Variants in TFDP1 observed in about 807,000 individuals in gnomAD.
TFDP1 encodes DRTF1-polypeptide 1.
In TFDP1, 6 loss-of-function variants were observed where a neutral mutation model predicts 48.0. The ratio of observed to expected loss-of-function variants is 0.13; its 90% confidence interval spans 0.07 to 0.25. The LOEUF (loss-of-function observed/expected upper bound fraction) is 0.25, where lower values mean the gene tolerates loss of function less well. Ranked by LOEUF, TFDP1 falls within the 10% of genes least tolerant of loss-of-function variation. The pLI is 1.00. For missense variants in TFDP1, 335 were observed against 543.0 expected, an observed-to-expected ratio of 0.62 and a Z score of 3.81; for synonymous variants, 201 against 211.6, an observed-to-expected ratio of 0.95 and a Z score of 0.44.
At chr13:113,595,827 A>C (rs981998156) in intron 2 of TFDP1, among the ~76,000 whole-genome samples, 1 of 152,368 alleles carries the variant, frequency 6.6e-6, no homozygotes, top group East Asian at 1.9e-4. Flanking sequence ...TCACGCCTGT[A>C]ATCCCAGCAC....
chr13:113,604,916 T>C (rs968457530), intron 2 of TFDP1, among the ~76,000 whole-genome samples: 4 of 152,106 alleles, frequency 2.6e-5, no homozygotes, highest in Non-Finnish European at 5.9e-5. Context: ...GTGGAGCCCA[T>C]GTGAGGAGGT....
rs1435696212 is a variant in TFDP1 at position 113,627,725 on chromosome 13, A to G, written c.187-3898A>G. ...CCAGCATTAGGTTCTCAGGAGCGCA[A>G]ACCCCACTGTGAACGGCACATGCAG... On this transcript the variant is annotated intron_variant, in intron 4 of 11. Transcript: ENST00000375370. This position sits in a 1 kb window ranked among gnomAD's most constrained non-coding sequence, Gnocchi z 4.1. Among the ~76,000 whole-genome samples the G allele has an allele frequency of 1.3e-5, 2 of 152,068 alleles. No individual in the cohort carries two copies. Among genetic ancestry groups the G allele is most frequent in the East Asian group, 1.9e-4 (1 of 5,186 alleles).
At chr13:113,638,255 G>A (rs903897951) in intron 11 of TFDP1, among the ~76,000 whole-genome samples, 6 of 152,032 alleles carry the variant, frequency 3.9e-5, no homozygotes, top group Admixed American at 3.3e-4. Context: ...CGGTCACAGC[G>A]CACGTATTTT....
intron 2 of TFDP1, among the ~76,000 whole-genome samples, chr13:113,603,897 A>C (rs890422530): frequency 6.6e-6 from 1 of 152,170 alleles, no homozygotes; most frequent in Admixed American, 6.5e-5. Flanking sequence ...AATTTCAGCA[A>C]TATGTTAAAA....
At chr13:113,628,285 G>GCCGTGTAAAGACTGTGTCTGGAA (rs1466644592) in intron 4 of TFDP1, among the ~76,000 whole-genome samples, 3 of 152,236 alleles carry the variant, frequency 2.0e-5, no homozygotes, top group Non-Finnish European at 4.4e-5. Context: ...TGTGTCTGGA[G>GCCGTGTAAAGACTGTGTCTGGAA]CCGTGTAAAG....
chr13:113,636,435 G>T, intron 9 of TFDP1, 99 bp from the exon 10 acceptor site: 2 of 1,342,258 alleles, frequency 1.5e-6, no homozygotes, highest in Admixed American at 3.8e-5. Context: ...CCGGGAAGCT[G>T]TGTGTGGCGG....
intron 3 of TFDP1, among the ~76,000 whole-genome samples, chr13:113,615,414 A>G (rs118180181): frequency 6.6e-6 from 1 of 152,080 alleles, no homozygotes; most frequent in South Asian, 2.1e-4. Context: ...TCTGAGGGTG[A>G]CCTGGCCCCA....
At chr13:113,629,805 C>T (rs1245570670) in intron 4 of TFDP1, among the ~76,000 whole-genome samples, 1 of 152,214 alleles carries the variant, frequency 6.6e-6, no homozygotes, top group African/African-American at 2.4e-5. Flanking sequence ...AGTAGGTTTG[C>T]TCCTGCCTGG....
At chr13:113,608,244 A>G (rs2048618159) in intron 2 of TFDP1, among the ~76,000 whole-genome samples, 1 of 152,210 alleles carries the variant, frequency 6.6e-6, no homozygotes, top group Admixed American at 6.5e-5. Flanking sequence ...CACCCGGGGC[A>G]GTGCGTTCCC....
At chr13:113,585,462 G>A (rs555638799) in intron 1 of TFDP1, 45 of 178,212 alleles carry the variant, frequency 2.5e-4, no homozygotes, top group African/African-American at 1.0e-3. Flanking sequence ...AGCGGCGGGA[G>A]GGAGGCGCTG....
At chr13:113,588,690 GTAGT>G (rs1224076993) in intron 2 of TFDP1, among the ~76,000 whole-genome samples, 10 of 151,614 alleles carry the variant, frequency 6.6e-5, no homozygotes, top group Admixed American at 4.6e-4. Flanking sequence ...TGATGGTGTA[GTAGT>G]TAGAGAGTGA....
At chr13:113,604,421 C>T (rs1276607006) in intron 2 of TFDP1, among the ~76,000 whole-genome samples, 1 of 152,184 alleles carries the variant, frequency 6.6e-6, no homozygotes, top group African/African-American at 2.4e-5. Context: ...TCAGTAGAGA[C>T]CCAGACTCAC....
At chr13:113,635,839 G>A (rs754384349) in intron 8 of TFDP1, 138 bp from the exon 9 acceptor site, 23 of 962,610 alleles carry the variant, frequency 2.4e-5, no homozygotes, top group Non-Finnish European at 3.1e-5. Flanking sequence ...GCACCCAGCG[G>A]CCGGCGCTGG....
intron 10 of TFDP1, 146 bp downstream of exon 10, chr13:113,636,846 AG>A: frequency 1.0e-6 from 1 of 991,772 alleles, no homozygotes; most frequent in Non-Finnish European, 1.4e-6. Context: ...AGGGGCTGTG[AG>A]GGGGATGAGG....
At chr13:113,624,019 C>G (rs543272997) in intron 4 of TFDP1, among the ~76,000 whole-genome samples, 1 of 152,268 alleles carries the variant, frequency 6.6e-6, no homozygotes, top group South Asian at 2.1e-4. Flanking sequence ...ACATAGCCAT[C>G]CCAAGGCTAG....
intron 2 of TFDP1, among the ~76,000 whole-genome samples, chr13:113,597,535 G>T (rs2048315649): frequency 2.0e-5 from 3 of 152,232 alleles, no homozygotes; most frequent in African/African-American, 7.2e-5. Flanking sequence ...GACCTCAGGT[G>T]GGGACTCCTG....
At chr13:113,616,314 T>C (rs542874614) in intron 3 of TFDP1, among the ~76,000 whole-genome samples, 27 of 152,172 alleles carry the variant, frequency 1.8e-4, no homozygotes, top group Admixed American at 1.6e-3. Context: ...CTCCTGTCTG[T>C]AGTCACTGGG....
intron 2 of TFDP1, among the ~76,000 whole-genome samples, 167 bp from the exon 3 acceptor site, chr13:113,610,829 C>G (rs2140399187): frequency 6.6e-6 from 1 of 152,370 alleles, no homozygotes; most frequent in Middle Eastern, 3.4e-3. Flanking sequence ...CATTCCTTCT[C>G]CGGACCTGGC....
chr13:113,598,516 T>C lies in TFDP1; in HGVS notation c.13-12480T>C, dbSNP rs1486962909. Among the ~76,000 whole-genome samples, 1 of 152,140 alleles carries C rather than the reference T, an allele frequency of 6.6e-6. No individual in the cohort carries two copies. Among genetic ancestry groups the C allele is most frequent in the African/African-American group, 2.4e-5 (1 of 41,422 alleles). On this transcript the variant is annotated intron_variant, in intron 2 of 11. Coordinates refer to ENST00000375370, the MANE Select transcript of TFDP1 (RefSeq NM_007111.5). This position sits in a 1 kb window ranked among gnomAD's most constrained non-coding sequence, Gnocchi z 4.2. Reference sequence around the variant, plus strand: ...GCTGGGGCTTCAGAATCCACTGGTTTCCTGAAGGTTCTGGTGCCCCCGAAG... The same window carrying C: ...GCTGGGGCTTCAGAATCCACTGGTTCCCTGAAGGTTCTGGTGCCCCCGAAG...
Sources: gnomAD v4.1 joint callset for allele counts (sites outside exome capture counted in the v4.1 genomes callset) on GRCh38, gnomAD v4.1.1 for gene constraint, Gnocchi (gnomAD v3.1) non-coding constraint, MANE v1.5 for transcripts, NCBI Gene and HGNC (gene_info 2026-07-23, HGNC 2026-07-21) for gene names.